Variants in ANKRD28 observed in about 807,000 individuals in gnomAD.
ANKRD28 encodes the protein serine/threonine-protein phosphatase 6 regulatory ankyrin repeat subunit A.
A neutral mutation model predicts 126.5 loss-of-function variants in ANKRD28; 44 were observed. The observed-to-expected ratio is 0.35, with a 90% CI of 0.27 to 0.45. The LOEUF (loss-of-function observed/expected upper bound fraction) is 0.45, where lower values mean the gene tolerates loss of function less well. Ranked by LOEUF, ANKRD28 falls within the 20% of genes least tolerant of loss-of-function variation. The pLI, the probability that ANKRD28 is intolerant of heterozygous loss-of-function variation, is 1.00. For synonymous variants in ANKRD28, 442 were observed against 468.5 expected, an observed-to-expected ratio of 0.94 and a Z score of 0.73; for missense variants, 1,110 against 1,316.6, an observed-to-expected ratio of 0.84 and a Z score of 2.43.
chr3:15,691,529 G>A (rs2068800029), intron 17 of ANKRD28, among the ~76,000 whole-genome samples: 1 of 152,170 alleles, frequency 6.6e-6, no homozygotes, highest in Non-Finnish European at 1.5e-5. Context: ...ACTAAATGCT[G>A]AGCAGGACAT....
At chr3:15,697,506 G>GT (rs2069808504) in intron 14 of ANKRD28, 1 of 151,492 alleles carries the variant, frequency 6.6e-6, no homozygotes. Flanking sequence ...TTAATCATGT[G>GT]TTTGTTTTTT....
chr3:15,831,189 C>G (rs1281249157), intron 1 of ANKRD28, among the ~76,000 whole-genome samples: 1 of 152,168 alleles, frequency 6.6e-6, no homozygotes, highest in East Asian at 1.9e-4. Flanking sequence ...ATTATCAAAT[C>G]TGAGAGTGCA....
At position 15,760,376 on chromosome 3, in the gene ANKRD28, G is replaced by A. The variant is rs138873254; in HGVS notation, c.280+5858C>T. On this transcript the variant is annotated intron_variant, in intron 3 of 27. Transcript: ENST00000683139. The stretch of plus-strand genomic sequence containing the variant: ...AAGTTTACCTATATAACACACCTGT[G>A]CATGTACTCCTGAACTTAAAATTTG... Among the ~76,000 whole-genome samples, 5 of 152,268 alleles carry A rather than the reference G, an allele frequency of 3.3e-5. No homozygotes were observed. The East Asian group carries it at 7.7e-4, about 23-fold the overall frequency.
intron 14 of ANKRD28, among the ~76,000 whole-genome samples, chr3:15,703,414 C>T (rs2070903747): frequency 6.6e-6 from 1 of 152,176 alleles, no homozygotes; most frequent in Admixed American, 6.5e-5. Flanking sequence ...GGAGGTGGGG[C>T]CTTTAGGAGG....
intron 2 of ANKRD28, among the ~76,000 whole-genome samples, chr3:15,788,667 T>C (rs549386210): frequency 7.9e-4 from 120 of 152,270 alleles, no homozygotes; most frequent in African/African-American, 2.8e-3. Context: ...TCCTCTAAAA[T>C]GTGGTATCAT....
intron 1 of ANKRD28, among the ~76,000 whole-genome samples, chr3:15,855,463 T>C (rs1334249935): frequency 6.6e-6 from 1 of 152,218 alleles, no homozygotes; most frequent in Non-Finnish European, 1.5e-5. Flanking sequence ...TATTACCCTT[T>C]AGTACTGCTG....
At chr3:15,685,942 G>C (rs1461614794) in intron 20 of ANKRD28, 60 bp downstream of exon 20, 1 of 1,297,792 alleles carries the variant, frequency 7.7e-7, no homozygotes, top group African/African-American at 1.5e-5. Flanking sequence ...ACCTAGTTCA[G>C]TTCTAGGTAA....
chr3:15,712,379 T>C (rs1191023071), intron 10 of ANKRD28, among the ~76,000 whole-genome samples, 157 bp from the exon 11 acceptor site: 2 of 152,222 alleles, frequency 1.3e-5, no homozygotes, highest in Non-Finnish European at 2.9e-5. Context: ...ATGGTGGGCA[T>C]AACTTATTAG....
intron 1 of ANKRD28, among the ~76,000 whole-genome samples, chr3:15,835,991 A>G (rs1195823501): frequency 6.6e-6 from 1 of 152,230 alleles, no homozygotes; most frequent in African/African-American, 2.4e-5. Context: ...TGCATAGAAC[A>G]ACTATAAAAC....
intron 14 of ANKRD28, among the ~76,000 whole-genome samples, chr3:15,699,172 A>G (rs2125925530): frequency 6.6e-6 from 1 of 152,388 alleles, no homozygotes; most frequent in South Asian, 2.1e-4. Context: ...TGGTGCTGGG[A>G]AAACTGGCTA....
At chr3:15,751,485 A>G (rs2057859953) in intron 4 of ANKRD28, among the ~76,000 whole-genome samples, 1 of 152,212 alleles carries the variant, frequency 6.6e-6, no homozygotes, top group African/African-American at 2.4e-5. Flanking sequence ...GGAAGAATAT[A>G]TAGGACAGAA....
chr3:15,692,998 C>T (rs1324329364), intron 17 of ANKRD28, among the ~76,000 whole-genome samples: 2 of 151,936 alleles, frequency 1.3e-5, no homozygotes, highest in African/African-American at 4.8e-5. Flanking sequence ...GCCAGTCACA[C>T]AACACAAAAA....
chr3:15,696,125 G>C lies in ANKRD28; in HGVS notation c.1659+9C>G. 6.5e-7 allele frequency: 1 copy of C among 1,537,494 alleles called. No homozygotes were observed. Among genetic ancestry groups the C allele is most frequent in the Non-Finnish European group, 8.9e-7 (1 of 1,126,472 alleles). Reference sequence around the variant, plus strand: ...CATTAGGTCTTTCACAAGAATTCAGGAATCTTACCAGCTGAAGACATAGAC... The same window carrying C: ...CATTAGGTCTTTCACAAGAATTCAGCAATCTTACCAGCTGAAGACATAGAC... On this transcript the variant is annotated intron_variant, in intron 15 of 27. Coordinates refer to ENST00000683139, the MANE Select transcript of ANKRD28 (RefSeq NM_001349278.2).
chr3:15,771,409 C>CCA (rs1553628386), intron 2 of ANKRD28, among the ~76,000 whole-genome samples: 1 of 115,120 alleles, frequency 8.7e-6, no homozygotes, highest in Non-Finnish European at 1.8e-5. Flanking sequence ...AACTCTGTCT[C>CCA]AAAAAAAAAA....
intron 2 of ANKRD28, among the ~76,000 whole-genome samples, chr3:15,782,539 C>T (rs1429590177): frequency 6.6e-6 from 1 of 151,980 alleles, no homozygotes; most frequent in Non-Finnish European, 1.5e-5. Context: ...CAAGAGGAAT[C>T]CTGAGTGGCT....
intron 14 of ANKRD28, among the ~76,000 whole-genome samples, chr3:15,696,879 A>T (rs1003536621): frequency 5.3e-5 from 8 of 152,180 alleles, no homozygotes; most frequent in Admixed American, 2.6e-4. Flanking sequence ...AACTGTATGG[A>T]GATTCCTTAA....
At chr3:15,696,073 T>C (rs1309594796) in intron 15 of ANKRD28, 61 bp downstream of exon 15, 1 of 1,142,208 alleles carries the variant, frequency 8.8e-7, no homozygotes, top group Non-Finnish European at 1.3e-6. Context: ...ATTCTCATTT[T>C]TGTTACATTA....
At chr3:15,807,741 C>G (rs1480446525) in intron 1 of ANKRD28, among the ~76,000 whole-genome samples, 1 of 152,122 alleles carries the variant, frequency 6.6e-6, no homozygotes, top group African/African-American at 2.4e-5. Context: ...GAAAAGGAAT[C>G]AGGGAGAACA....
chr3:15,735,989 C>G (rs1435632880), intron 5 of ANKRD28, among the ~76,000 whole-genome samples: 1 of 152,196 alleles, frequency 6.6e-6, no homozygotes, highest in Non-Finnish European at 1.5e-5. Context: ...ACAATAATTT[C>G]TCCACTGGAA....
Sources: gnomAD v4.1 joint callset for allele counts (sites outside exome capture counted in the v4.1 genomes callset) on GRCh38, gnomAD v4.1.1 for gene constraint, MANE v1.5 for transcripts, NCBI Gene and HGNC (gene_info 2026-07-23, HGNC 2026-07-21) for gene names.